Variants in NF1 observed in about 807,000 individuals in gnomAD.
NF1 encodes the protein neurofibromin 1.
Under a neutral mutation model 325.7 loss-of-function variants are expected in NF1, and 122 were observed. That is an observed-to-expected ratio of 0.37 (90% CI 0.32 to 0.44). NF1 has a LOEUF of 0.44. NF1 is among the 20% of genes least tolerant of loss of function. The pLI is 1.00. For synonymous variants in NF1, 1,091 were observed against 1,186.0 expected, an observed-to-expected ratio of 0.92 and a Z score of 1.65; for missense variants, 2,140 against 3,415.4, an observed-to-expected ratio of 0.63 and a Z score of 9.31.
intron 57 of NF1, among the ~76,000 whole-genome samples, chr17:31,366,370 A>G (rs2070521264): frequency 6.6e-6 from 1 of 152,096 alleles, no homozygotes; most frequent in African/African-American, 2.4e-5. Context: ...CCCTTCTTCC[A>G]TTTTTATTTC....
intron 11 of NF1, among the ~76,000 whole-genome samples, chr17:31,203,776 A>AT (rs936024953): frequency 1.9e-4 from 29 of 151,874 alleles, no homozygotes; most frequent in African/African-American, 6.5e-4. Context: ...CAGTCCACAC[A>AT]TTTTTTTTAA....
intron 36 of NF1, chr17:31,294,857 C>T (rs1293548769): frequency 8.3e-6 from 8 of 969,552 alleles, no homozygotes; most frequent in Non-Finnish European, 1.3e-5. Flanking sequence ...TTATTTAAGA[C>T]AAGTTACTTC....
intron 36 of NF1, among the ~76,000 whole-genome samples, chr17:31,287,565 T>C (rs1018576658): frequency 4.6e-5 from 7 of 151,792 alleles, no homozygotes; most frequent in African/African-American, 1.7e-4. Context: ...TGTGTGTGTG[T>C]GTGTGTGTGT....
intron 37 of NF1, 123 bp from the exon 38 acceptor site, chr17:31,327,376 G>A: frequency 2.8e-6 from 2 of 720,826 alleles, no homozygotes; most frequent in South Asian, 3.0e-5. Flanking sequence ...ATATACAATG[G>A]TGGGAACTCT....
At chr17:31,115,562 T>C (rs1441649572) in intron 1 of NF1, among the ~76,000 whole-genome samples, 1 of 152,204 alleles carries the variant, frequency 6.6e-6, no homozygotes, top group Non-Finnish European at 1.5e-5. Context: ...AACAATATTG[T>C]ATATTGCTCA....
chr17:31,355,630 G>A (rs1205192622), intron 51 of NF1, among the ~76,000 whole-genome samples: 1 of 152,158 alleles, frequency 6.6e-6, no homozygotes, highest in Non-Finnish European at 1.5e-5. Context: ...CAGGTGGATT[G>A]CTTGAGCCCA....
intron 1 of NF1, among the ~76,000 whole-genome samples, chr17:31,101,067 T>A (rs1448357271): frequency 6.6e-6 from 1 of 152,182 alleles, no homozygotes; most frequent in African/African-American, 2.4e-5. Context: ...TGGACCAGTC[T>A]TTTTTGTTGT....
chr17:31,266,127 C>T (rs1193440458), intron 36 of NF1, among the ~76,000 whole-genome samples: 6 of 152,184 alleles, frequency 3.9e-5, no homozygotes, highest in Non-Finnish European at 8.8e-5. Flanking sequence ...ATGTTTAGAC[C>T]TAGTTCTGCT....
intron 30 of NF1, chr17:31,250,786 A>G (rs778872264): frequency 1.1e-5 from 2 of 188,770 alleles, no homozygotes; most frequent in Non-Finnish European, 2.2e-5. Context: ...ATAGATTTTT[A>G]AACACTATAT....
chr17:31,374,076 G>T lies in NF1; in HGVS notation c.8441G>T (p.Arg2814Leu). Residue 2814 changes from arginine (R) to leucine (L), a missense_variant, in exon 58 of 58, where the codon CGC becomes CTC. By Grantham distance (102) the Arg-to-Leu change is moderately radical. Around this residue, in one of 10 missense-constraint regions of NF1, gnomAD observed 522 missense variants for 749.0 expected, o/e 0.70. Transcript: ENST00000358273. ...GGCCACTGTAACAGTGGACGAACTC[G>T]CCACGGATCCGCAAGCCAAGTGCAG... ...TTGHCNSGRT[R>L]HGSASQVQKQ... 6.2e-7 allele frequency: 1 copy of T among 1,614,060 alleles called. No homozygotes were observed. Among genetic ancestry groups the T allele is most frequent in the Non-Finnish European group, 8.5e-7 (1 of 1,179,966 alleles).
chr17:31,368,917 CA>C (rs2151596438), intron 57 of NF1, among the ~76,000 whole-genome samples: 2 of 152,232 alleles, frequency 1.3e-5, no homozygotes, highest in South Asian at 4.1e-4. Context: ...ATAAGTTTGC[CA>C]TATTGTATAT....
At chr17:31,218,265 A>G (rs1243777282) in intron 13 of NF1, among the ~76,000 whole-genome samples, 2 of 152,196 alleles carry the variant, frequency 1.3e-5, no homozygotes, top group African/African-American at 4.8e-5. Flanking sequence ...AAAAAAAATT[A>G]TTCCTCATAT....
chr17:31,140,334 C>A (rs1916125639), intron 1 of NF1, among the ~76,000 whole-genome samples: 1 of 152,064 alleles, frequency 6.6e-6, no homozygotes. Flanking sequence ...GAGATAATGA[C>A]AATTGTGGGA....
chr17:31,206,438 T>C (rs2143916698), intron 12 of NF1, 67 bp downstream of exon 12: 1 of 1,583,846 alleles, frequency 6.3e-7, no homozygotes. Flanking sequence ...GTCTTTATCC[T>C]ATTCCTGCTG....
At position 31,190,117 on chromosome 17, in the gene NF1, A is replaced by G. The variant is rs190647359; in HGVS notation, c.888+7452A>G. Reference sequence around the variant, plus strand: ...AAAAAAAAAAAAAAAAAAGCTGGCCATGGTGGCAGGCTCCTGTGATCCCAG... The same window carrying G: ...AAAAAAAAAAAAAAAAAAGCTGGCCGTGGTGGCAGGCTCCTGTGATCCCAG... On this transcript the variant is annotated intron_variant, in intron 8 of 57. Coordinates refer to ENST00000358273, the MANE Select transcript of NF1 (RefSeq NM_001042492.3). Among the ~76,000 whole-genome samples the G allele has an allele frequency of 3.8e-3, 546 of 143,172 alleles. 21 individuals carry two copies. Among genetic ancestry groups the G allele is most frequent in the Admixed American group, 0.035 (506 of 14,348 alleles). 93.9% of individuals were successfully genotyped at this position (143,172 alleles called of 152,430 possible).
chr17:31,099,720 T>G (rs897138438), intron 1 of NF1, among the ~76,000 whole-genome samples: 2 of 151,532 alleles, frequency 1.3e-5, no homozygotes, highest in African/African-American at 4.9e-5. Flanking sequence ...CCACCACGCC[T>G]GCCTAATTTT....
At chr17:31,286,079 A>G (rs1439448055) in intron 36 of NF1, among the ~76,000 whole-genome samples, 4 of 152,088 alleles carry the variant, frequency 2.6e-5, no homozygotes, top group African/African-American at 9.7e-5. Context: ...TCCTTTAAAT[A>G]ATTTTAATAT....
At chr17:31,134,703 C>T (rs1346280812) in intron 1 of NF1, among the ~76,000 whole-genome samples, 1 of 152,164 alleles carries the variant, frequency 6.6e-6, no homozygotes, top group Non-Finnish European at 1.5e-5. Context: ...TAGCTTTTGG[C>T]AGGAGGCCTC....
chr17:31,135,349 C>G (rs761160912), intron 1 of NF1, among the ~76,000 whole-genome samples: 2 of 152,092 alleles, frequency 1.3e-5, no homozygotes, highest in East Asian at 3.9e-4. Flanking sequence ...CTCCAGTTTT[C>G]TCTTGTTTCT....
Sources: gnomAD v4.1 joint callset for allele counts (sites outside exome capture counted in the v4.1 genomes callset) on GRCh38, gnomAD v4.1.1 for gene constraint, gnomAD v4.1.1 regional missense constraint, MANE v1.5 for transcripts, NCBI Gene and HGNC (gene_info 2026-07-23, HGNC 2026-07-21) for gene names.